The following SPEN variants were observed in gnomAD, a reference collection of about 807,000 sequenced individuals.
SPEN encodes the protein spen family transcriptional repressor.
In SPEN, 18 loss-of-function variants were observed where a neutral mutation model predicts 269.9. The ratio of observed to expected loss-of-function variants is 0.07; its 90% CI spans 0.05 to 0.10. SPEN has a LOEUF of 0.10. Among genes scored for constraint, SPEN ranks in the 10% least tolerant of loss-of-function variants. The pLI is 1.00. For synonymous variants in SPEN, 1,726 were observed against 1,765.7 expected, an observed-to-expected ratio of 0.98 and a Z score of 0.56; for missense variants, 3,822 against 4,631.2, an observed-to-expected ratio of 0.83 and a Z score of 5.07.
intron 1 of SPEN, among the ~76,000 whole-genome samples, chr1:15,856,549 GATCTGCTGCCAGATACTTTTTTTTTTT>G (rs1241965842): frequency 4.0e-5 from 6 of 148,372 alleles, no homozygotes; most frequent in Non-Finnish European, 3.0e-5. Context: ...GTGGCTGTTA[GATCTGCTGCCAGATACTTTTTTTTTTT>G]TTTTTTTTTG....
At chr1:15,873,271 A>G in intron 2 of SPEN, 135 bp downstream of exon 2, 1 of 1,403,184 alleles carries the variant, frequency 7.1e-7, no homozygotes. Flanking sequence ...TGGAAACGGA[A>G]GTGATTTATA....
At chr1:15,854,521 C>T (rs2070366787) in intron 1 of SPEN, among the ~76,000 whole-genome samples, 3 of 151,848 alleles carry the variant, frequency 2.0e-5, no homozygotes, top group Admixed American at 2.0e-4. Flanking sequence ...GAGTTTCGCT[C>T]CTGTTGCCCA....
intron 11 of SPEN, among the ~76,000 whole-genome samples, chr1:15,936,656 G>A (rs1330783906): frequency 1.4e-4 from 14 of 102,404 alleles, no homozygotes; most frequent in Admixed American, 3.5e-4. Context: ...AAAAAAAAAA[G>A]CCGGGCATAG....
chr1:15,859,280 C>T (rs2070417715), intron 1 of SPEN, among the ~76,000 whole-genome samples: 2 of 151,194 alleles, frequency 1.3e-5, no homozygotes, highest in Non-Finnish European at 1.5e-5. Flanking sequence ...CTCAACCTGC[C>T]AAGTATGTAG....
intron 4 of SPEN, 61 bp downstream of exon 4, chr1:15,909,542 T>C: frequency 7.0e-7 from 1 of 1,430,188 alleles, no homozygotes. Context: ...GGTATGATAC[T>C]GCATTACATT....
At position 15,929,398 on chromosome 1, in the gene SPEN, A is replaced by G. The variant is rs139398031; in HGVS notation, c.3158A>G (p.Lys1053Arg). 93 of 1,613,274 alleles carry G rather than the reference A, an allele frequency of 5.8e-5. No individual in the cohort carries two copies. Among genetic ancestry groups the G allele is most frequent in the Non-Finnish European group, 7.6e-5 (90 of 1,179,812 alleles). ...CTTAAAAGAGAATCTAAAAAAATCA[A>G]ACTGGACAGACTTAATACTGTTGCC... is the stretch of plus-strand genomic sequence containing the variant. ...EILKRESKKI[K>R]LDRLNTVASP... The change falls in exon 11 of 15, where the codon AAA becomes AGA. Residue 1053 changes from lysine (K) to arginine (R), a missense_variant. By Grantham distance (26) the Lys-to-Arg change is conservative. Transcript: ENST00000375759. The surrounding 1 kb of genome is among the most constrained non-coding windows in gnomAD (Gnocchi z 5.8).
intron 10 of SPEN, among the ~76,000 whole-genome samples, chr1:15,926,766 C>A (rs2071171662): frequency 6.6e-6 from 1 of 151,110 alleles, no homozygotes. Flanking sequence ...AATCTTGACT[C>A]ACTGCAAGCT....
At chr1:15,894,072 C>T (rs904409646) in intron 3 of SPEN, among the ~76,000 whole-genome samples, 1 of 152,164 alleles carries the variant, frequency 6.6e-6, no homozygotes, top group African/African-American at 2.4e-5. Flanking sequence ...GGTAAGGCTA[C>T]ATCAGTTGTA....
chr1:15,864,928 T>A (rs2070487958), intron 1 of SPEN, among the ~76,000 whole-genome samples: 1 of 152,130 alleles, frequency 6.6e-6, no homozygotes, highest in Non-Finnish European at 1.5e-5. Context: ...CTTGATGTCC[T>A]GACCTCAAAT....
intron 3 of SPEN, among the ~76,000 whole-genome samples, chr1:15,896,474 G>A (rs1291804524): frequency 4.6e-5 from 7 of 151,994 alleles, no homozygotes; most frequent in Non-Finnish European, 1.0e-4. Flanking sequence ...GGGGTTACAG[G>A]ATTGAGCCAC....
chr1:15,879,911 C>T (rs1004170972), intron 3 of SPEN, among the ~76,000 whole-genome samples: 2 of 152,116 alleles, frequency 1.3e-5, no homozygotes, highest in Non-Finnish European at 2.9e-5. Context: ...ACCTCGCCAT[C>T]CGCCCGCCTC....
At chr1:15,870,999 G>C (rs1478781084) in intron 1 of SPEN, among the ~76,000 whole-genome samples, 2 of 151,794 alleles carry the variant, frequency 1.3e-5, no homozygotes, top group Admixed American at 6.6e-5. Flanking sequence ...TTTCTTTTTT[G>C]AGATGGAGTC....
Position 15,937,752 on chromosome 1 carries a change from G to A in SPEN, c.10510-60G>A. 6.2e-7 allele frequency: 1 copy of A among 1,610,396 alleles called. No homozygotes were observed. The highest frequency in any genetic ancestry group is 1.1e-5 in the South Asian group (1 of 90,940). ...CCCACAAGCTACAGCCTCTGGCTGT[G>A]TCCAGCATGGCTCAGCGAGGGGCCA... On this transcript the variant is annotated intron_variant, in intron 12 of 14. Transcript: ENST00000375759. The surrounding 1 kb of genome is among the most constrained non-coding windows in gnomAD (Gnocchi z 5.7).
In SPEN at chr1:15,932,907, A is replaced by T; in HGVS notation, c.6667A>T (p.Ile2223Phe). Reference protein sequence around the residue: ...TELAAAIGSIINDISGEPENF... With the variant: ...TELAAAIGSIFNDISGEPENF... ...GCTGGCTGCGGCCATCGGCTCCATC[A>T]TCAATGACATTTCTGGGGAGCCAGA... Residue 2223 changes from isoleucine to phenylalanine, a missense_variant, in exon 11 of 15, where the codon ATC (isoleucine) becomes TTC (phenylalanine). Ile to Phe is a conservative substitution (Grantham distance 21). Coordinates refer to ENST00000375759, the MANE Select transcript of SPEN (RefSeq NM_015001.3). This position sits in a 1 kb window ranked among gnomAD's most constrained non-coding sequence, Gnocchi z 4.2. 2 of 1,614,240 alleles carry T rather than the reference A, an allele frequency of 1.2e-6. No homozygotes were observed. The highest frequency in any genetic ancestry group is 1.7e-6 in the Non-Finnish European group (2 of 1,180,038).
chr1:15,929,198 G>A lies in SPEN; in HGVS notation c.2958G>A (p.Arg986=). The change falls in exon 11 of 15, where the codon AGG becomes AGA. Residue 986 remains arginine (R), a synonymous_variant. Coordinates refer to ENST00000375759, the MANE Select transcript of SPEN (RefSeq NM_015001.3). This position sits in a 1 kb window ranked among gnomAD's most constrained non-coding sequence, Gnocchi z 5.8. ...VDLEKLEARK[R]RFADSNLKAE... ...TGGAGAAGCTGGAAGCCAGGAAAAG[G>A]CGCTTTGCAGATTCCAATTTAAAAG... 6.2e-7 allele frequency: 1 copy of A among 1,614,208 alleles called. No homozygotes were observed. Among genetic ancestry groups the A allele is most frequent in the Non-Finnish European group, 8.5e-7 (1 of 1,180,036 alleles).
chr1:15,938,731 A>G lies in SPEN; in HGVS notation c.10718A>G (p.Tyr3573Cys). The part of the protein sequence containing the change: ...VARRMTVETD[Y>C]CLLLALPCGR... Reference sequence around the variant, plus strand: ...CCTCTGCCTCAGGTGGAGACAGATTACTGTCTGCTGCTGGCTCTGCCCTGT... The same window carrying G: ...CCTCTGCCTCAGGTGGAGACAGATTGCTGTCTGCTGCTGGCTCTGCCCTGT... Residue 3573 changes from tyrosine to cysteine, a missense_variant, in exon 14 of 15, where the codon TAC becomes TGC. Physicochemically the swap from Tyr to Cys is radical, Grantham distance 194. Transcript: ENST00000375759. The G allele has an allele frequency of 1.2e-6, 2 of 1,613,700 alleles. No homozygotes were observed. The highest frequency in any genetic ancestry group is 1.7e-6 in the Non-Finnish European group (2 of 1,179,922).
intron 1 of SPEN, among the ~76,000 whole-genome samples, chr1:15,855,198 C>T (rs552672649): frequency 1.3e-5 from 2 of 152,268 alleles, no homozygotes; most frequent in African/African-American, 4.8e-5. Flanking sequence ...GCCTTAAATG[C>T]AAGGGTTGCA....
chr1:15,861,186 G>A (rs1056120111), intron 1 of SPEN, among the ~76,000 whole-genome samples: 1 of 149,476 alleles, frequency 6.7e-6, no homozygotes, highest in African/African-American at 2.5e-5. Flanking sequence ...AGGCTGGAGT[G>A]CAGATGGTGT....
chr1:15,850,955 T>TA (rs1352049703), intron 1 of SPEN, among the ~76,000 whole-genome samples: 1 of 152,188 alleles, frequency 6.6e-6, no homozygotes, highest in Non-Finnish European at 1.5e-5. Context: ...ACACTGGGAA[T>TA]ACATTATATA....
Sources: gnomAD v4.1 joint callset for allele counts (sites outside exome capture counted in the v4.1 genomes callset) on GRCh38, gnomAD v4.1.1 for gene constraint, Gnocchi (gnomAD v3.1) non-coding constraint, MANE v1.5 for transcripts, NCBI Gene and HGNC (gene_info 2026-07-23, HGNC 2026-07-21) for gene names.